Variants in BTBD9 observed in about 807,000 individuals in gnomAD.
BTBD9 encodes BTB/POZ domain-containing protein 9.
Under a neutral mutation model 64.3 loss-of-function variants are expected in BTBD9, and 49 were observed. That is an observed-to-expected ratio of 0.76 (90% CI 0.61 to 0.97). The LOEUF (loss-of-function observed/expected upper bound fraction) is 0.97. Among genes scored for constraint, BTBD9 ranks in the 50% least tolerant of loss-of-function variants. The pLI, the probability that BTBD9 is intolerant of heterozygous loss-of-function variation, is 0.00. For missense variants in BTBD9, 598 were observed against 762.1 expected (o/e 0.78, Z 2.53); for synonymous variants, 260 against 274.7 (o/e 0.95, Z 0.53).
rs139231603 is a variant in BTBD9, at chr6:38,588,251, G to C, written c.814+4325C>G. 259 of 1,125,972 alleles carry C rather than the reference G, an allele frequency of 2.3e-4. 1 individual carries two copies. The East Asian group carries it at 5.7e-3, about 25-fold the overall frequency. 69.7% of individuals were successfully genotyped at this position (1,125,972 alleles called of 1,614,324 possible). A position where few individuals can be genotyped will look rare whatever the true frequency, so the allele number is the denominator to read the frequency against. On this transcript the variant is annotated intron_variant, in intron 4 of 10. Transcript: ENST00000481247. The stretch of plus-strand genomic sequence containing the variant: ...CCCAGGCACCAGCTCCTGCCTTTTT[G>C]GTCAGCCTCAACAACTGCCTGCTCA...
chr6:38,490,291 G>A (rs1448392718), intron 6 of BTBD9, among the ~76,000 whole-genome samples: 4 of 152,142 alleles, frequency 2.6e-5, no homozygotes, highest in Admixed American at 6.5e-5. Flanking sequence ...TGAAAGGTAT[G>A]GACACTACAC....
intron 9 of BTBD9, among the ~76,000 whole-genome samples, chr6:38,204,693 G>A (rs564984142): frequency 6.6e-6 from 1 of 152,178 alleles, no homozygotes; most frequent in South Asian, 2.1e-4. Context: ...TGGGTGAATT[G>A]TATGGTATAT....
At chr6:38,524,987 C>G (rs1424754334) in intron 6 of BTBD9, among the ~76,000 whole-genome samples, 1 of 152,014 alleles carries the variant, frequency 6.6e-6, no homozygotes, top group Non-Finnish European at 1.5e-5. Context: ...GATGACTCAC[C>G]CTTAGTAAAA....
chr6:38,228,803 G>C (rs1561900715), intron 9 of BTBD9, among the ~76,000 whole-genome samples: 4 of 152,016 alleles, frequency 2.6e-5, no homozygotes, highest in African/African-American at 9.7e-5. Flanking sequence ...GAACCCAGGA[G>C]GTGGAGGTTG....
chr6:38,354,917 AAGAGAGAGAG>A (rs150257577), intron 6 of BTBD9, among the ~76,000 whole-genome samples: 1 of 148,624 alleles, frequency 6.7e-6, no homozygotes, highest in Admixed American at 6.7e-5. Context: ...GACAGAGAGA[AAGAGAGAGAG>A]AGAGAGAGAG....
chr6:38,286,408 C>T (rs191560152), intron 8 of BTBD9, among the ~76,000 whole-genome samples: 1 of 152,164 alleles, frequency 6.6e-6, no homozygotes, highest in Non-Finnish European at 1.5e-5. Context: ...CAAATGAGAA[C>T]AGGAAACAAC....
chr6:38,238,639 AT>A (rs1027940069), intron 9 of BTBD9, among the ~76,000 whole-genome samples: 40 of 151,734 alleles, frequency 2.6e-4, no homozygotes, highest in African/African-American at 8.7e-4. Flanking sequence ...CGCCCAGCTA[AT>A]TTTTTTGTAT....
intron 6 of BTBD9, among the ~76,000 whole-genome samples, chr6:38,447,137 T>C (rs1769310012): frequency 6.6e-6 from 1 of 152,124 alleles, no homozygotes; most frequent in African/African-American, 2.4e-5. Flanking sequence ...AGCAAGTAAA[T>C]GAAAATATAT....
chr6:38,356,703 T>C (rs1383333897), intron 6 of BTBD9, among the ~76,000 whole-genome samples: 1 of 152,218 alleles, frequency 6.6e-6, no homozygotes, highest in Non-Finnish European at 1.5e-5. Context: ...ATAAAGATTC[T>C]AAGAATATAG....
Position 38,505,964 on chromosome 6 carries a change from C to CAAAAAAAAAAAAAAAAAAAAAAA in BTBD9, c.1154+71635_1154+71636insTTTTTTTTTTTTTTTTTTTTTTT, listed in dbSNP as rs59014161. 1.9e-4 allele frequency among the ~76,000 whole-genome samples: 16 copies of CAAAAAAAAAAAAAAAAAAAAAAA among 82,652 alleles called. 2 individuals carry two copies. Among genetic ancestry groups the CAAAAAAAAAAAAAAAAAAAAAAA allele is most frequent in the African/African-American group, 4.9e-4 (12 of 24,460 alleles). 54.2% of individuals were successfully genotyped at this position (82,652 alleles called of 152,430 possible). ...TGGCAACAGCATGGCTCCGTCTCAA[C>CAAAAAAAAAAAAAAAAAAAAAAA]AAAAAAAAAAAAAAAAAAAAGGAAC... is the stretch of plus-strand genomic sequence containing the variant. On this transcript the variant is annotated intron_variant, in intron 6 of 10. Transcript: ENST00000481247.
At chr6:38,496,063 C>T (rs759870560) in intron 6 of BTBD9, among the ~76,000 whole-genome samples, 1 of 152,018 alleles carries the variant, frequency 6.6e-6, no homozygotes, top group African/African-American at 2.4e-5. Flanking sequence ...CCGTTGTGAC[C>T]GTGAAAACAA....
intron 2 of BTBD9, among the ~76,000 whole-genome samples, chr6:38,595,515 G>A (rs548403411): frequency 2.6e-5 from 4 of 152,244 alleles, no homozygotes; most frequent in East Asian, 3.9e-4. Flanking sequence ...AAGAAAGGAC[G>A]AAGAGGACAA....
At position 38,253,087 on chromosome 6, in the gene BTBD9, C is replaced by A. The variant is rs142075789; in HGVS notation, c.1562+3322G>T. On this transcript the variant is annotated intron_variant, in intron 9 of 10. Transcript: ENST00000481247. ...CGAGCTCATGCCACTGCACTCCAGCCTGAGCGACAGAGTGAGACTCTGTCT... is the reference window on the plus strand; with the variant it reads ...CGAGCTCATGCCACTGCACTCCAGCATGAGCGACAGAGTGAGACTCTGTCT... Among the ~76,000 whole-genome samples the A allele has an allele frequency of 1.5e-3, 227 of 152,200 alleles. 1 individual carries two copies. Among genetic ancestry groups the A allele is most frequent in the African/African-American group, 5.1e-3 (213 of 41,534 alleles).
chr6:38,589,720 C>T (rs1005464374), intron 4 of BTBD9, among the ~76,000 whole-genome samples: 15 of 152,174 alleles, frequency 9.9e-5, no homozygotes, highest in African/African-American at 3.6e-4. Flanking sequence ...TCCCTGGCAG[C>T]CAATCTTCTG....
At chr6:38,616,795 G>A (rs1777806983) in intron 1 of BTBD9, among the ~76,000 whole-genome samples, 1 of 152,252 alleles carries the variant, frequency 6.6e-6, no homozygotes, top group South Asian at 2.1e-4. Context: ...CCACGCTGTG[G>A]AAGCTTTGTC....
chr6:38,180,800 C>G (rs1326760029), intron 10 of BTBD9, among the ~76,000 whole-genome samples: 1 of 152,228 alleles, frequency 6.6e-6, no homozygotes, highest in Admixed American at 6.5e-5. Flanking sequence ...TTCGCTGAAC[C>G]GTCTTCAATG....
intron 6 of BTBD9, among the ~76,000 whole-genome samples, chr6:38,433,978 G>T (rs528300566): frequency 2.0e-5 from 3 of 151,920 alleles, no homozygotes; most frequent in African/African-American, 7.3e-5. Context: ...CTTCTCTAAG[G>T]GGTCTGGCGA....
At chr6:38,462,191 T>C (rs1027291858) in intron 6 of BTBD9, among the ~76,000 whole-genome samples, 1 of 152,204 alleles carries the variant, frequency 6.6e-6, no homozygotes. Flanking sequence ...TTTTCTTTTA[T>C]GAATTGTTCT....
intron 9 of BTBD9, among the ~76,000 whole-genome samples, chr6:38,193,624 TGGAGGAGTG>T (rs1762174457): frequency 6.6e-6 from 1 of 152,186 alleles, no homozygotes; most frequent in African/African-American, 2.4e-5. Flanking sequence ...CAGAATGCAC[TGGAGGAGTG>T]CATGGCACCC....
Sources: allele counts gnomAD v4.1 joint callset (sites outside exome capture counted in the v4.1 genomes callset), GRCh38; gene constraint gnomAD v4.1.1; transcripts MANE v1.5; gene names NCBI Gene and HGNC (gene_info 2026-07-23, HGNC 2026-07-21).